SNX20: variants seen among roughly 807,000 people sequenced by gnomAD.
The protein encoded by SNX20 is sorting nexin 20, also known as sorting nexin-20.
SNX20 carries 21 observed loss-of-function variants against 24.5 expected under a neutral mutation model. The observed-to-expected ratio is 0.86, with a 90% CI of 0.61 to 1.23. The LOEUF is 1.23. Ranked by LOEUF, SNX20 falls within the 50% of genes most tolerant of loss-of-function variation. The pLI is 0.00. For synonymous variants in SNX20, 206 were observed against 192.8 expected (o/e 1.07, Z -0.57); for missense variants, 433 against 430.8 (o/e 1.00, Z -0.04).
At chr16:50,667,912 G>A (rs1244404653), downstream of SNX20, 3 of 1,174,816 alleles carry the variant, frequency 2.6e-6, no homozygotes, top group East Asian at 7.7e-5. Flanking sequence ...ATCTTACCAT[G>A]GGGGCAACAG....
rs142778042 is a variant in SNX20, at chr16:50,674,001, T to G, written c.356A>C (p.Asp119Ala). 1.9e-6 allele frequency: 3 copies of G among 1,612,586 alleles called. No homozygotes were observed. The African/African-American group carries it at 4.0e-5, about 22-fold the overall frequency. ...CAGCGCTTTCTGGAGCTTCGCGAAG[T>G]CGGAATAGCGCCGTTCCAGGACGGC... ...NKAVLERRYS[D>A]FAKLQKALLK... The change falls in exon 4 of 4, where the codon GAC becomes GCC. Residue 119 changes from aspartate (D) to alanine (A), a missense_variant. Physicochemically the swap from Asp to Ala is moderately radical, Grantham distance 126. Transcript: ENST00000330943.
downstream of SNX20, chr16:50,671,033 T>C (rs1381412175): frequency 6.6e-6 from 1 of 152,138 alleles, no homozygotes; most frequent in African/African-American, 2.4e-5. Flanking sequence ...TATAGGCTCC[T>C]TTACTCCCAT....
rs2150760284 is a variant in SNX20 at position 50,673,118 on chromosome 16, CAG to C, written c.*286_*287del. 2 of 285,654 alleles carry C rather than the reference CAG, an allele frequency of 7.0e-6. 1 individual carries two copies. Among genetic ancestry groups the C allele is most frequent in the South Asian group, 2.9e-4 (2 of 6,786 alleles). 17.7% of individuals were successfully genotyped at this position (285,654 alleles called of 1,614,324 possible). ...AGAAGTTAGAGACCAGCCTGGGCAA[CAG>C]AGAGACCCTGTCTCTACTAAAAAAT... On this transcript the variant is annotated 3_prime_UTR_variant, in exon 4 of 4. Transcript: ENST00000330943. The surrounding 1 kb of genome is among the most constrained non-coding windows in gnomAD (Gnocchi z 4.1).
rs759377980 is a variant in SNX20 at position 50,673,822 on chromosome 16, C to G, written c.535G>C (p.Glu179Gln). Residue 179 changes from glutamate (E) to glutamine (Q), a missense_variant, in exon 4 of 4, where the codon GAG becomes CAG. Transcript: ENST00000330943. The surrounding 1 kb of genome is among the most constrained non-coding windows in gnomAD (Gnocchi z 4.1). ...YAIRCVRRSR[E>Q]FLDFLTRPEL... ...GGCCGCGTGAGGAAGTCCAGGAACT[C>G]CCGGGAGCGGCGCACGCAGCGGATG... is the stretch of plus-strand genomic sequence containing the variant. 6.3e-7 allele frequency: 1 copy of G among 1,597,002 alleles called. No homozygotes were observed. Among genetic ancestry groups the G allele is most frequent in the Non-Finnish European group, 8.5e-7 (1 of 1,176,708 alleles).
At chr16:50,675,549 T>C (rs951240415) in intron 3 of SNX20, among the ~76,000 whole-genome samples, 39 of 152,358 alleles carry the variant, frequency 2.6e-4, no homozygotes, top group Middle Eastern at 3.4e-3. Context: ...TATTTCCTTC[T>C]TGGGACCAAG....
At position 50,677,359 on chromosome 16, in the gene SNX20, A is replaced by G. The variant is rs763794395; in HGVS notation, c.130+38T>C. The G allele has an allele frequency of 3.3e-5, 51 of 1,528,042 alleles. 1 individual carries two copies. The highest frequency in any genetic ancestry group is 2.0e-5 in the Admixed American group (1 of 50,096). The allele number at this position is 1,528,042 out of a possible 1,614,324, so 94.7% of individuals were successfully genotyped here. A position where few individuals can be genotyped will look rare whatever the true frequency, so the allele number is the denominator to read the frequency against. ...ACATTTGTACTTTGAATGTCTTCAG[A>G]CCTCTCCCCCAGACCGAGTCTCAAG... On this transcript the variant is annotated intron_variant, in intron 2 of 3. Coordinates refer to ENST00000330943, the MANE Select transcript of SNX20 (RefSeq NM_182854.4).
chr16:50,676,367 G>A (rs1344189517), intron 2 of SNX20, among the ~76,000 whole-genome samples: 1 of 152,098 alleles, frequency 6.6e-6, no homozygotes, highest in Non-Finnish European at 1.5e-5. Context: ...AGGATGTTAT[G>A]TTCCAGCCTC....
intron 2 of SNX20, 72 bp from the exon 3 acceptor site, chr16:50,675,993 C>T: frequency 4.1e-6 from 6 of 1,465,558 alleles, no homozygotes; most frequent in African/African-American, 1.4e-5. Flanking sequence ...GGGGAGATGG[C>T]TGGGTCTATC....
At chr16:50,666,638 A>G (rs1962922060), downstream of SNX20, 1 of 152,282 alleles carries the variant, frequency 6.6e-6, no homozygotes, top group Non-Finnish European at 1.5e-5. Context: ...ACAAAACAAT[A>G]TGCCAAGACA....
Position 50,673,610 on chromosome 16 carries a change from G to T in SNX20, c.747C>A (p.Ala249=). 6.3e-7 allele frequency: 1 copy of T among 1,574,844 alleles called. No homozygotes were observed. Among genetic ancestry groups the T allele is most frequent in the Non-Finnish European group, 8.6e-7 (1 of 1,167,708 alleles). ...DLDRPAEAFA[A]GERALQRLQA... is the part of the protein sequence containing the mutation. The stretch of plus-strand genomic sequence containing the variant: ...GCAGGCGCTGCAGGGCCCTCTCTCC[G>T]GCCGCGAAGGCCTCGGCGGGGCGGT... The change falls in exon 4 of 4, where the codon GCC becomes GCA. Residue 249 remains alanine (A), a synonymous_variant. Transcript: ENST00000330943. This position sits in a 1 kb window ranked among gnomAD's most constrained non-coding sequence, Gnocchi z 4.1.
intron 1 of SNX20, among the ~76,000 whole-genome samples, chr16:50,677,960 G>T (rs1038515224): frequency 1.3e-5 from 2 of 152,086 alleles, no homozygotes; most frequent in Non-Finnish European, 2.9e-5. Context: ...TAATCCCAGC[G>T]CTTTGGGAGG....
chr16:50,675,943 G>T (rs367620931), intron 2 of SNX20, 22 bp from the exon 3 acceptor site: 1 of 1,580,116 alleles, frequency 6.3e-7, no homozygotes, highest in African/African-American at 1.4e-5. Flanking sequence ...ACACCCTTAA[G>T]GATCTGCACC....
At chr16:50,678,480 C>G (rs780595304) in intron 1 of SNX20, among the ~76,000 whole-genome samples, 1 of 152,216 alleles carries the variant, frequency 6.6e-6, no homozygotes, top group Non-Finnish European at 1.5e-5. Context: ...GTGCTTGTGA[C>G]GTGCTGGCTG....
Position 50,673,803 on chromosome 16 carries a change from G to T in SNX20, c.554C>A (p.Thr185Lys). 1.9e-6 allele frequency: 3 copies of T among 1,588,676 alleles called. No individual in the cohort carries two copies. Among genetic ancestry groups the T allele is most frequent in the Non-Finnish European group, 2.6e-6 (3 of 1,173,008 alleles). The change falls in exon 4 of 4, where the codon ACG becomes AAG. Residue 185 changes from threonine to lysine, a missense_variant. Physicochemically the swap from Thr to Lys is moderately conservative, Grantham distance 78. Coordinates refer to ENST00000330943, the MANE Select transcript of SNX20 (RefSeq NM_182854.4). The surrounding 1 kb of genome is among the most constrained non-coding windows in gnomAD (Gnocchi z 4.1). ...GAAAGCCTCGCGCAGCTCCGGCCGC[G>T]TGAGGAAGTCCAGGAACTCCCGGGA... ...RRSREFLDFLTRPELREAFGC... is the reference protein window; with the variant it reads ...RRSREFLDFLKRPELREAFGC...
At chr16:50,668,381 G>A, downstream of SNX20, 1 of 1,003,830 alleles carries the variant, frequency 1.0e-6, no homozygotes, top group Non-Finnish European at 1.3e-6. Context: ...TCTACCAGCG[G>A]CCTCAGGCTC....
Position 50,673,310 on chromosome 16 carries a change from A to C in SNX20, c.*96T>G, listed in dbSNP as rs1161963314. The C allele has an allele frequency of 7.2e-7, 1 of 1,398,576 alleles. No homozygotes were observed. The highest frequency in any genetic ancestry group is 9.3e-7 in the Non-Finnish European group (1 of 1,075,108). The allele number at this position is 1,398,576 out of a possible 1,614,324, so 86.6% of individuals were successfully genotyped here. On this transcript the variant is annotated 3_prime_UTR_variant, in exon 4 of 4. Coordinates refer to ENST00000330943, the MANE Select transcript of SNX20 (RefSeq NM_182854.4). This position sits in a 1 kb window ranked among gnomAD's most constrained non-coding sequence, Gnocchi z 4.1. ...AGCAAGACTGTCTCAAATAACAAAA[A>C]AGAAAAGGAAAAATAAAAAAAAAGA...
At chr16:50,674,260 TA>T (rs1470391306) in intron 3 of SNX20, among the ~76,000 whole-genome samples, 186 bp from the exon 4 acceptor site, 16 of 151,136 alleles carry the variant, frequency 1.1e-4, no homozygotes, top group African/African-American at 3.7e-4. Context: ...TTTATTTATT[TA>T]TTTTTAGAGA....
At chr16:50,668,226 G>C (rs1962960718), downstream of SNX20, 1 of 1,442,566 alleles carries the variant, frequency 6.9e-7, no homozygotes, top group Admixed American at 2.7e-5. Flanking sequence ...GGGATGATCA[G>C]CGCTACGTGG....
intron 1 of SNX20, among the ~76,000 whole-genome samples, chr16:50,678,718 C>T (rs1963235389): frequency 6.6e-6 from 1 of 152,196 alleles, no homozygotes; most frequent in Non-Finnish European, 1.5e-5. Flanking sequence ...TACATAATAA[C>T]TCTGTCTGTG....
Sources: allele counts gnomAD v4.1 joint callset (sites outside exome capture counted in the v4.1 genomes callset), GRCh38; gene constraint gnomAD v4.1.1; non-coding constraint Gnocchi (gnomAD v3.1); transcripts MANE v1.5; gene names NCBI Gene and HGNC (gene_info 2026-07-23, HGNC 2026-07-21).